The following TMTC3 variants were observed in gnomAD, a reference collection of about 807,000 sequenced individuals.
TMTC3 encodes protein O-mannosyl-transferase TMTC3.
TMTC3 carries 52 observed loss-of-function variants against 92.2 expected under a neutral mutation model. That is an observed-to-expected ratio of 0.56 (90% CI 0.45 to 0.71). The LOEUF (loss-of-function observed/expected upper bound fraction) is 0.71. Ranked by LOEUF, TMTC3 falls within the 30% of genes least tolerant of loss-of-function variation. TMTC3 has a pLI of 0.00. For missense variants in TMTC3, 896 were observed against 1,057.1 expected (o/e 0.85, Z 2.11); for synonymous variants, 339 against 363.3 (o/e 0.93, Z 0.76).
chr12:88,177,469 A>G lies in TMTC3; in HGVS notation c.1432+1150A>G, dbSNP rs553482215. Among the ~76,000 whole-genome samples, 4 of 152,322 alleles carry G rather than the reference A, an allele frequency of 2.6e-5. No individual in the cohort carries two copies. In the South Asian group the frequency reaches 8.3e-4, roughly 32 times the overall value. The stretch of plus-strand genomic sequence containing the variant: ...CATCAAGAAAGGGTTTAAGGAGTGA[A>G]TAAATGATGAGCCACAGAATCTAAG... On this transcript the variant is annotated intron_variant, in intron 10 of 13. Transcript: ENST00000266712.
intron 4 of TMTC3, 103 bp downstream of exon 4, chr12:88,154,490 G>T: frequency 1.6e-6 from 1 of 631,634 alleles, no homozygotes; most frequent in Non-Finnish European, 2.6e-6. Flanking sequence ...TACCACATTT[G>T]GGATTTATCT....
intron 4 of TMTC3, among the ~76,000 whole-genome samples, chr12:88,158,762 G>A (rs920701442): frequency 3.3e-5 from 5 of 151,948 alleles, no homozygotes. Context: ...AATAAAAACC[G>A]AGGTCACGGC....
chr12:88,152,851 T>C (rs1285909713), intron 2 of TMTC3, among the ~76,000 whole-genome samples: 1 of 152,222 alleles, frequency 6.6e-6, no homozygotes, highest in African/African-American at 2.4e-5. Flanking sequence ...ACTATTTTAA[T>C]TGAACTGGTA....
chr12:88,194,853 G>A lies in TMTC3; in HGVS notation c.1949G>A (p.Arg650Lys). Residue 650 changes from arginine to lysine, a missense_variant, in exon 14 of 14, where the codon AGA becomes AAA. Physicochemically the swap from Arg to Lys is conservative, Grantham distance 26. Coordinates refer to ENST00000266712, the MANE Select transcript of TMTC3 (RefSeq NM_181783.4). ...AACTTTCTAGGTGAGGTTAAACTCA[G>A]ACCTGAAGCTAGAAAACGACTTCTA... ...VMQESGEVKL[R>K]PEARKRLLSY... The A allele has an allele frequency of 6.3e-7, 1 of 1,595,126 alleles. No individual in the cohort carries two copies. The highest frequency in any genetic ancestry group is 8.5e-7 in the Non-Finnish European group (1 of 1,172,520).
chr12:88,189,891 A>G (rs769251471), intron 11 of TMTC3, among the ~76,000 whole-genome samples: 12 of 152,116 alleles, frequency 7.9e-5, no homozygotes, highest in Non-Finnish European at 1.5e-4. Flanking sequence ...AACAAATACA[A>G]TTTAACTGTT....
chr12:88,199,641 T>TA lies in TMTC3; in HGVS notation c.*3996dup, dbSNP rs1376278268. 2 of 152,174 alleles carry TA rather than the reference T, an allele frequency of 1.3e-5. No homozygotes were observed. The highest frequency in any genetic ancestry group is 2.9e-5 in the Non-Finnish European group (2 of 68,028). The allele number at this position is 152,174 out of a possible 1,614,324, so 9.4% of individuals were successfully genotyped here. A position where few individuals can be genotyped will look rare whatever the true frequency, so the allele number is the denominator to read the frequency against. ...AGATAAATTATACTTAGGATGAAGC[T>TA]AAAATGCATAACTGAGACACCTTAA... On this transcript the variant is annotated 3_prime_UTR_variant, in exon 14 of 14. Transcript: ENST00000266712.
At chr12:88,188,509 C>T (rs75538148) in intron 10 of TMTC3, among the ~76,000 whole-genome samples, 3,736 of 152,042 alleles carry the variant, frequency 0.025, 140 homozygotes, top group African/African-American at 0.083. Flanking sequence ...TTCTTCATTA[C>T]CTTTATCTCT....
In TMTC3 at chr12:88,148,330, C is replaced by T. The variant is rs1592720758; in HGVS notation, c.15C>T (p.Asn5=). 2 of 1,609,098 alleles carry T rather than the reference C, an allele frequency of 1.2e-6. No individual in the cohort carries two copies. The highest frequency in any genetic ancestry group is 1.7e-6 in the Non-Finnish European group (2 of 1,178,264). Residue 5 remains asparagine, a synonymous_variant, in exon 2 of 14, where the codon AAC becomes AAT. Transcript: ENST00000266712. MANI[N]LKEITLIVGV... Reference sequence around the variant, plus strand: ...TTATAGAAAAGATGGCTAATATTAACCTAAAAGAAATAACCTTAATAGTAG... The same window carrying T: ...TTATAGAAAAGATGGCTAATATTAATCTAAAAGAAATAACCTTAATAGTAG...
At chr12:88,190,212 A>T (rs1364992157) in intron 11 of TMTC3, among the ~76,000 whole-genome samples, 1 of 152,128 alleles carries the variant, frequency 6.6e-6, no homozygotes, top group Non-Finnish European at 1.5e-5. Context: ...CATTCATGCC[A>T]CCTCAGTGGA....
At chr12:88,188,131 T>C (rs895648270) in intron 10 of TMTC3, among the ~76,000 whole-genome samples, 1 of 152,216 alleles carries the variant, frequency 6.6e-6, no homozygotes, top group Non-Finnish European at 1.5e-5. Context: ...TTAAAAGAGC[T>C]GGGCCACTGC....
intron 10 of TMTC3, among the ~76,000 whole-genome samples, chr12:88,186,652 C>A (rs2041380843): frequency 6.6e-6 from 1 of 152,040 alleles, no homozygotes; most frequent in South Asian, 2.1e-4. Context: ...TGATTTTTTA[C>A]ATCTTGCCTT....
intron 6 of TMTC3, among the ~76,000 whole-genome samples, 185 bp from the exon 7 acceptor site, chr12:88,166,145 A>G (rs2138393645): frequency 6.6e-6 from 1 of 152,320 alleles, no homozygotes; most frequent in East Asian, 1.9e-4. Context: ...TCTCTGAAGT[A>G]GATGTTTCAT....
chr12:88,169,671 G>T (rs890146313), intron 7 of TMTC3, among the ~76,000 whole-genome samples: 2 of 152,086 alleles, frequency 1.3e-5, no homozygotes, highest in Admixed American at 1.3e-4. Context: ...GGGTTCAATC[G>T]CTCATGCCTG....
In TMTC3 at chr12:88,196,882, T is replaced by A. The variant is rs2138453744; in HGVS notation, c.*1233T>A. 6.6e-6 allele frequency: 1 copy of A among 151,880 alleles called. No individual in the cohort carries two copies. The highest frequency in any genetic ancestry group is 1.5e-5 in the Non-Finnish European group (1 of 67,760). The allele number at this position is 151,880 out of a possible 1,614,324, so 9.4% of individuals were successfully genotyped here. On this transcript the variant is annotated 3_prime_UTR_variant, in exon 14 of 14. Coordinates refer to ENST00000266712, the MANE Select transcript of TMTC3 (RefSeq NM_181783.4). ...TTAGCCTACTATAGTATTAATAAAT[T>A]TTTCAGTTGGTTTGGGCAAATTTAA... is the stretch of plus-strand genomic sequence containing the variant.
chr12:88,190,679 T>C, intron 12 of TMTC3, 57 bp downstream of exon 12: 1 of 1,513,692 alleles, frequency 6.6e-7, no homozygotes, highest in Non-Finnish European at 8.9e-7. Flanking sequence ...CATCTCCATG[T>C]ACATTTTGAA....
chr12:88,172,506 T>G (rs1278577393), intron 7 of TMTC3, 91 bp from the exon 8 acceptor site: 1 of 663,944 alleles, frequency 1.5e-6, no homozygotes, highest in African/African-American at 1.9e-5. Context: ...AATATTTGGA[T>G]TCAAGTATCA....
In TMTC3 at chr12:88,196,725, T is replaced by C. The variant is rs2041517799; in HGVS notation, c.*1076T>C. 1 of 151,910 alleles carries C rather than the reference T, an allele frequency of 6.6e-6. No homozygotes were observed. Among genetic ancestry groups the C allele is most frequent in the Non-Finnish European group, 1.5e-5 (1 of 67,830 alleles). The allele number at this position is 151,910 out of a possible 1,614,324, so 9.4% of individuals were successfully genotyped here. A position where few individuals can be genotyped will look rare whatever the true frequency, so the allele number is the denominator to read the frequency against. ...AATATTTATTTTGACTAAGCTTTCATAAAATATTTGAAGCTATTTTAATCA... is the reference window on the plus strand; with the variant it reads ...AATATTTATTTTGACTAAGCTTTCACAAAATATTTGAAGCTATTTTAATCA... On this transcript the variant is annotated 3_prime_UTR_variant, in exon 14 of 14. Coordinates refer to ENST00000266712, the MANE Select transcript of TMTC3 (RefSeq NM_181783.4).
rs776101035 is a variant in TMTC3, at chr12:88,154,353, A to G, written c.474A>G (p.Ser158=). 13 of 1,608,098 alleles carry G rather than the reference A, an allele frequency of 8.1e-6. No individual in the cohort carries two copies. Among genetic ancestry groups the G allele is most frequent in the Non-Finnish European group, 1.1e-5 (13 of 1,178,346 alleles). The change falls in exon 4 of 14, where the codon TCA becomes TCG. Residue 158 remains serine, a synonymous_variant. Coordinates refer to ENST00000266712, the MANE Select transcript of TMTC3 (RefSeq NM_181783.4). ...TCTTTTTTCTAGCAGCTTTTTTGTCATATACCAGATCAAAAGGACCAGACA... is the reference window on the plus strand; with the variant it reads ...TCTTTTTTCTAGCAGCTTTTTTGTCGTATACCAGATCAAAAGGACCAGACA... ...SSIFFLAAFL[S]YTRSKGPDNS...
intron 7 of TMTC3, among the ~76,000 whole-genome samples, chr12:88,167,774 A>G (rs2041162123): frequency 6.6e-6 from 1 of 152,210 alleles, no homozygotes; most frequent in Non-Finnish European, 1.5e-5. Context: ...CCTGTTGGAC[A>G]TTTTGAACAG....
Sources: allele counts gnomAD v4.1 joint callset (sites outside exome capture counted in the v4.1 genomes callset), GRCh38; gene constraint gnomAD v4.1.1; transcripts MANE v1.5; gene names NCBI Gene and HGNC (gene_info 2026-07-23, HGNC 2026-07-21).